Variants in EEIG2 observed in about 807,000 individuals in gnomAD.
EEIG2 encodes the protein family with sequence similarity 102 member B.
chr1:108,569,571 C>T, the EEIG2 span, among the ~76,000 whole-genome samples: 14 of 152,288 alleles, frequency 9.2e-5, no homozygotes, highest in African/African-American at 2.2e-4. Context: ...AGCAATCCTG[C>T]CTCAGCCGCC....
At chr1:108,606,426 C>T in the EEIG2 span, among the ~76,000 whole-genome samples, 1 of 152,170 alleles carries the variant, frequency 6.6e-6, no homozygotes, top group Non-Finnish European at 1.5e-5. Flanking sequence ...CATATTCTTT[C>T]TAAATGCTGA....
At chr1:108,634,981 A>G in the EEIG2 span, 1 of 824,904 alleles carries the variant, frequency 1.2e-6, no homozygotes, top group Non-Finnish European at 2.0e-6. Context: ...GATGCCTTTA[A>G]ACGTTATGGA....
the EEIG2 span, among the ~76,000 whole-genome samples, chr1:108,579,772 T>TGTGTGTGAGAGAGAGAGA: frequency 2.8e-3 from 166 of 58,846 alleles, 2 homozygotes; most frequent in African/African-American, 5.6e-3. Context: ...TGTGTGTGTG[T>TGTGTGTGAGAGAGAGAGA]GAGAGAGAGA....
At chr1:108,585,452 A>T in the EEIG2 span, among the ~76,000 whole-genome samples, 1 of 152,114 alleles carries the variant, frequency 6.6e-6, no homozygotes, top group South Asian at 2.1e-4. Flanking sequence ...GGGTCAAGTA[A>T]CACAATATAA....
At chr1:108,588,740 T>C in the EEIG2 span, among the ~76,000 whole-genome samples, 1 of 151,816 alleles carries the variant, frequency 6.6e-6, no homozygotes. Flanking sequence ...TTTTTTTTTT[T>C]TTTGCTATTG....
At chr1:108,632,207 T>C in the EEIG2 span, among the ~76,000 whole-genome samples, 1 of 151,524 alleles carries the variant, frequency 6.6e-6, no homozygotes, top group African/African-American at 2.4e-5. Flanking sequence ...TTAAAACTCA[T>C]GTCTCTTTGA....
the EEIG2 span, among the ~76,000 whole-genome samples, chr1:108,622,459 T>G: frequency 6.6e-6 from 1 of 152,114 alleles, no homozygotes; most frequent in African/African-American, 2.4e-5. Flanking sequence ...AAATACTAAA[T>G]GAGGATCTGA....
the EEIG2 span, among the ~76,000 whole-genome samples, chr1:108,576,023 G>C: frequency 1.6e-4 from 25 of 152,100 alleles, no homozygotes; most frequent in Non-Finnish European, 3.7e-4. Context: ...TTTGTTTTGT[G>C]TGTGTGTGAG....
At chr1:108,629,818 G>C in the EEIG2 span, 1 of 676,842 alleles carries the variant, frequency 1.5e-6, no homozygotes, top group South Asian at 1.6e-5. Context: ...GTAGCTCTCA[G>C]TTTTCTTAAT....
chr1:108,587,190 C>A, the EEIG2 span, among the ~76,000 whole-genome samples: 9 of 152,038 alleles, frequency 5.9e-5, no homozygotes, highest in East Asian at 1.2e-3. Context: ...TTCCCTGTGT[C>A]CTTGTTTTTA....
the EEIG2 span, among the ~76,000 whole-genome samples, chr1:108,604,743 A>G: frequency 6.6e-6 from 1 of 151,956 alleles, no homozygotes; most frequent in East Asian, 1.9e-4. Context: ...GAGCTATTAT[A>G]AAGGGCCGAG....
chr1:108,617,538 C>T, the EEIG2 span, among the ~76,000 whole-genome samples: 2 of 152,084 alleles, frequency 1.3e-5, no homozygotes, highest in Non-Finnish European at 2.9e-5. Flanking sequence ...GATAGATCAA[C>T]TAGAGTCCAG....
chr1:108,562,059 C>T, the EEIG2 span, among the ~76,000 whole-genome samples: 2 of 152,180 alleles, frequency 1.3e-5, no homozygotes, highest in Non-Finnish European at 2.9e-5. Flanking sequence ...TATGTGTTGG[C>T]TTCTAAATAT....
chr1:108,628,361 T>C, the EEIG2 span: 1 of 1,607,644 alleles, frequency 6.2e-7, no homozygotes, highest in Non-Finnish European at 8.5e-7. Flanking sequence ...GTGTTTGATA[T>C]GAGTATTATA....
the EEIG2 span, among the ~76,000 whole-genome samples, chr1:108,604,006 T>G: frequency 6.6e-6 from 1 of 152,180 alleles, no homozygotes; most frequent in Non-Finnish European, 1.5e-5. Context: ...TAGAAAGGTC[T>G]AATTGTATAA....
chr1:108,596,176 G>GT, the EEIG2 span, among the ~76,000 whole-genome samples: 2,103 of 138,778 alleles, frequency 0.015, 45 homozygotes, highest in African/African-American at 0.049. Context: ...TTCTTAGTGG[G>GT]TTTTTTTTTT....
chr1:108,599,944 G>T, the EEIG2 span, among the ~76,000 whole-genome samples: 1 of 152,030 alleles, frequency 6.6e-6, no homozygotes, highest in Non-Finnish European at 1.5e-5. Context: ...TGCAGTGAGC[G>T]GAGATCACAC....
the EEIG2 span, among the ~76,000 whole-genome samples, chr1:108,589,677 A>C: frequency 6.6e-6 from 1 of 150,496 alleles, no homozygotes; most frequent in African/African-American, 2.4e-5. Context: ...TGTTCCTTGG[A>C]GTTCCAAACT....
chr1:108,575,071 C>T, the EEIG2 span, among the ~76,000 whole-genome samples: 2 of 152,124 alleles, frequency 1.3e-5, no homozygotes, highest in African/African-American at 2.4e-5. Context: ...TTAGAAAAAT[C>T]CCTCTGTCAT....
Sources: allele counts gnomAD v4.1 joint callset (sites outside exome capture counted in the v4.1 genomes callset), GRCh38; gene constraint gnomAD v4.1.1; transcripts MANE v1.5; gene names NCBI Gene and HGNC (gene_info 2026-07-23, HGNC 2026-07-21).